Variants in ZBTB20 observed in about 807,000 individuals in gnomAD.
ZBTB20 encodes the protein zinc finger and BTB domain containing 20, also known as zinc finger and BTB domain-containing protein 20.
ZBTB20 carries 9 observed loss-of-function variants against 56.9 expected under a neutral mutation model. That is an observed-to-expected ratio of 0.16 (90% CI 0.10 to 0.28). The LOEUF (loss-of-function observed/expected upper bound fraction) is 0.28, where lower values mean the gene tolerates loss of function less well. ZBTB20 is among the 10% of genes least tolerant of loss of function. The probability of loss-of-function intolerance (pLI) is 1.00; values close to 1 mark genes in which losing one functional copy is unlikely to be tolerated. For synonymous variants in ZBTB20, 417 were observed against 420.7 expected (o/e 0.99, Z 0.11); for missense variants, 655 against 1,003.0 (o/e 0.65, Z 4.69).
chr3:114,572,402 T>C (rs536530422), intron 6 of ZBTB20, among the ~76,000 whole-genome samples: 10 of 152,234 alleles, frequency 6.6e-5, no homozygotes, highest in Non-Finnish European at 1.3e-4. Context: ...AAAACTAGGC[T>C]AAGAATCCTT....
chr3:114,683,572 T>C (rs992343212), intron 6 of ZBTB20, among the ~76,000 whole-genome samples: 1 of 152,088 alleles, frequency 6.6e-6, no homozygotes. Context: ...TTGGCCAGGA[T>C]CTCTGAGATT....
At chr3:115,081,674 A>T (rs905236577) in intron 1 of ZBTB20, among the ~76,000 whole-genome samples, 1 of 152,176 alleles carries the variant, frequency 6.6e-6, no homozygotes, top group African/African-American at 2.4e-5. Flanking sequence ...GATTTAAGCC[A>T]GTCTATAATA....
intron 1 of ZBTB20, among the ~76,000 whole-genome samples, chr3:115,072,084 G>A (rs550032390): frequency 3.4e-4 from 51 of 152,062 alleles, no homozygotes; most frequent in African/African-American, 1.2e-3. Flanking sequence ...GAAATATCAG[G>A]GTTTATTTCT....
intron 1 of ZBTB20, among the ~76,000 whole-genome samples, chr3:115,084,962 C>CTGTTT (rs1367901723): frequency 6.6e-6 from 1 of 151,830 alleles, no homozygotes; most frequent in Non-Finnish European, 1.5e-5. Flanking sequence ...TAACGCTTTC[C>CTGTTT]TGTTTTGTTT....
intron 2 of ZBTB20, among the ~76,000 whole-genome samples, chr3:114,981,454 A>T (rs2078323358): frequency 6.6e-6 from 1 of 152,118 alleles, no homozygotes. Context: ...CTTTAAAATC[A>T]TTCCACATTT....
intron 7 of ZBTB20, among the ~76,000 whole-genome samples, chr3:114,398,242 T>C (rs1466181409): frequency 1.3e-5 from 2 of 152,086 alleles, no homozygotes; most frequent in Non-Finnish European, 2.9e-5. Flanking sequence ...CTGTTTGCTA[T>C]ATTATTAGCG....
rs953539008 is a variant in ZBTB20 at position 115,009,471 on chromosome 3, T to C, written c.-506-35055A>G. Among the ~76,000 whole-genome samples, 55 of 151,906 alleles carry C rather than the reference T, an allele frequency of 3.6e-4. 1 individual carries two copies. The highest frequency in any genetic ancestry group is 1.3e-3 in the African/African-American group (55 of 41,412). Reference sequence around the variant, plus strand: ...AGTGAGAATAAATCCAGTAAAATAATTACGTTCTATCACATTATTAGTCCA... The same window carrying C: ...AGTGAGAATAAATCCAGTAAAATAACTACGTTCTATCACATTATTAGTCCA... On this transcript the variant is annotated intron_variant, in intron 2 of 11. Coordinates refer to ENST00000675478, the MANE Select transcript of ZBTB20 (RefSeq NM_001348800.3).
intron 7 of ZBTB20, among the ~76,000 whole-genome samples, chr3:114,455,385 A>T (rs1300557056): frequency 6.6e-6 from 1 of 152,168 alleles, no homozygotes; most frequent in African/African-American, 2.4e-5. Flanking sequence ...ATTAAAACTT[A>T]CAACTAAACA....
At chr3:114,834,787 T>A (rs2074038422) in intron 4 of ZBTB20, among the ~76,000 whole-genome samples, 1 of 152,098 alleles carries the variant, frequency 6.6e-6, no homozygotes, top group Non-Finnish European at 1.5e-5. Flanking sequence ...CTGAAGCAAG[T>A]GTCTGATTGA....
At chr3:114,851,928 C>T (rs1299934447) in intron 4 of ZBTB20, among the ~76,000 whole-genome samples, 3 of 152,108 alleles carry the variant, frequency 2.0e-5, no homozygotes, top group Middle Eastern at 3.4e-3. Context: ...CTTATCAATT[C>T]GCAGGAGCTC....
chr3:114,610,727 G>A (rs921666215), intron 6 of ZBTB20, among the ~76,000 whole-genome samples: 1 of 152,142 alleles, frequency 6.6e-6, no homozygotes, highest in Non-Finnish European at 1.5e-5. Context: ...GGTCTACTGT[G>A]GGGCATATAC....
chr3:114,844,330 A>ATATATATAT (rs2074542977), intron 4 of ZBTB20, among the ~76,000 whole-genome samples: 1 of 99,302 alleles, frequency 1.0e-5, no homozygotes, highest in Non-Finnish European at 1.8e-5. Context: ...TACTGGAGTA[A>ATATATATAT]ATATATATAT....
At chr3:114,524,161 G>A (rs1438403067) in intron 6 of ZBTB20, among the ~76,000 whole-genome samples, 1 of 152,160 alleles carries the variant, frequency 6.6e-6, no homozygotes, top group Non-Finnish European at 1.5e-5. Context: ...GAGAAGCTAT[G>A]GGTAAAATCA....
chr3:115,038,244 T>C (rs147324637), intron 2 of ZBTB20, among the ~76,000 whole-genome samples: 2 of 152,348 alleles, frequency 1.3e-5, no homozygotes, highest in Non-Finnish European at 2.9e-5. Context: ...AAAATCCATT[T>C]GTTAGGAACA....
chr3:114,968,515 T>C (rs1034103578), intron 3 of ZBTB20, among the ~76,000 whole-genome samples: 1 of 152,206 alleles, frequency 6.6e-6, no homozygotes, highest in African/African-American at 2.4e-5. Flanking sequence ...TGACTTGGAA[T>C]GCCTTTGAAT....
intron 11 of ZBTB20, among the ~76,000 whole-genome samples, 196 bp downstream of exon 11, chr3:114,350,078 G>A (rs569075555): frequency 1.3e-5 from 2 of 152,252 alleles, no homozygotes; most frequent in East Asian, 3.9e-4. Context: ...TCCTGTGACG[G>A]TGTCTCTTGG....
intron 3 of ZBTB20, among the ~76,000 whole-genome samples, chr3:114,940,392 AT>A (rs11338133): frequency 0.96 from 129,641 of 135,178 alleles, 62,588 homozygotes; most frequent in South Asian, 0.99. Flanking sequence ...TTCATTTCTG[AT>A]TTTTTTTTTT....
intron 5 of ZBTB20, among the ~76,000 whole-genome samples, chr3:114,761,120 T>C (rs2068405499): frequency 6.6e-6 from 1 of 152,202 alleles, no homozygotes; most frequent in Non-Finnish European, 1.5e-5. Context: ...GCCAGAATAC[T>C]ATTTACCATA....
chr3:115,074,308 C>T (rs1243343538), intron 1 of ZBTB20, among the ~76,000 whole-genome samples: 1 of 152,128 alleles, frequency 6.6e-6, no homozygotes, highest in African/African-American at 2.4e-5. Flanking sequence ...TATTCATTAA[C>T]TGCCTGATAG....
Sources: gnomAD v4.1 joint callset for allele counts (sites outside exome capture counted in the v4.1 genomes callset) on GRCh38, gnomAD v4.1.1 for gene constraint, MANE v1.5 for transcripts, NCBI Gene and HGNC (gene_info 2026-07-23, HGNC 2026-07-21) for gene names.